RHBDD1: variants seen among roughly 807,000 people sequenced by gnomAD.
RHBDD1 encodes rhomboid domain containing 1, also known as rhomboid-related protein 4.
In RHBDD1, 38 loss-of-function variants were observed where a neutral mutation model predicts 36.3. The observed-to-expected ratio is 1.05, with a 90% CI of 0.81 to 1.37. RHBDD1 has a LOEUF of 1.37. Ranked by LOEUF, RHBDD1 falls within the 40% of genes most tolerant of loss-of-function variation. The pLI is 0.00. For missense variants in RHBDD1, 393 were observed against 377.6 expected, an observed-to-expected ratio of 1.04 and a Z score of -0.34; for synonymous variants, 151 against 136.5, an observed-to-expected ratio of 1.11 and a Z score of -0.74.
intron 8 of RHBDD1, among the ~76,000 whole-genome samples, chr2:226,963,123 G>T (rs992400316): frequency 1.3e-5 from 2 of 152,094 alleles, no homozygotes; most frequent in African/African-American, 2.4e-5. Context: ...GTTGCCAGTT[G>T]TCTCCTGGGG....
At chr2:226,879,755 G>A (rs902001574) in intron 5 of RHBDD1, among the ~76,000 whole-genome samples, 1 of 152,116 alleles carries the variant, frequency 6.6e-6, no homozygotes. Context: ...ATATAAATAA[G>A]CAAGTGACAT....
chr2:226,877,291 T>C (rs1945319187), intron 5 of RHBDD1, among the ~76,000 whole-genome samples: 1 of 152,236 alleles, frequency 6.6e-6, no homozygotes, highest in Non-Finnish European at 1.5e-5. Flanking sequence ...TTTGGAAATA[T>C]TGGTTTACTG....
chr2:226,857,377 A>C (rs149029061), intron 3 of RHBDD1, among the ~76,000 whole-genome samples: 2 of 152,176 alleles, frequency 1.3e-5, no homozygotes, highest in Non-Finnish European at 2.9e-5. Context: ...AAAATTTCAC[A>C]GTTACTCAGA....
the RHBDD1 span, among the ~76,000 whole-genome samples, chr2:226,809,639 G>A: frequency 6.6e-6 from 1 of 150,606 alleles, no homozygotes; most frequent in Non-Finnish European, 1.5e-5. Context: ...GAGAGGGAGA[G>A]AGAGAGACAC....
At chr2:226,981,015 G>A (rs1955603318) in intron 8 of RHBDD1, among the ~76,000 whole-genome samples, 2 of 152,172 alleles carry the variant, frequency 1.3e-5, no homozygotes, top group South Asian at 4.1e-4. Flanking sequence ...CATTTCAAGG[G>A]TGTAAAACCA....
intron 8 of RHBDD1, among the ~76,000 whole-genome samples, chr2:226,949,504 G>A (rs181596598): frequency 1.3e-5 from 2 of 152,290 alleles, no homozygotes; most frequent in East Asian, 3.9e-4. Flanking sequence ...GGGTAGGGCT[G>A]AGACTGGATG....
chr2:226,929,646 A>T (rs1949893142), intron 8 of RHBDD1, among the ~76,000 whole-genome samples: 1 of 152,074 alleles, frequency 6.6e-6, no homozygotes, highest in Admixed American at 6.5e-5. Flanking sequence ...TGGAAGTCCT[A>T]GCTAGAGCAG....
chr2:226,995,188 G>T (rs895621205), intron 8 of RHBDD1, among the ~76,000 whole-genome samples: 2 of 152,154 alleles, frequency 1.3e-5, no homozygotes, highest in African/African-American at 4.8e-5. Flanking sequence ...ATACAAGTGG[G>T]AAGATTATCA....
chr2:226,923,672 G>A (rs1949477969), intron 8 of RHBDD1, among the ~76,000 whole-genome samples: 1 of 151,790 alleles, frequency 6.6e-6, no homozygotes, highest in South Asian at 2.1e-4. Context: ...CACTTTTAGG[G>A]CTATTTTCTA....
chr2:226,871,682 T>A (rs555731807), intron 5 of RHBDD1, among the ~76,000 whole-genome samples: 30 of 152,350 alleles, frequency 2.0e-4, no homozygotes, highest in Admixed American at 9.1e-4. Flanking sequence ...GGGGCTTGTT[T>A]AACTTGTCCC....
chr2:226,991,800 A>G (rs1958274735), intron 8 of RHBDD1, among the ~76,000 whole-genome samples: 2 of 152,234 alleles, frequency 1.3e-5, no homozygotes, highest in Non-Finnish European at 2.9e-5. Context: ...GTCAAACTTC[A>G]GAATCATGGA....
intron 8 of RHBDD1, among the ~76,000 whole-genome samples, chr2:226,980,317 ACCAG>A (rs1955431602): frequency 6.6e-6 from 1 of 152,142 alleles, no homozygotes; most frequent in African/African-American, 2.4e-5. Flanking sequence ...CTCGTTCCCC[ACCAG>A]AGCGAGGTAG....
chr2:226,995,236 AACC>A (rs1342043272), intron 8 of RHBDD1, among the ~76,000 whole-genome samples, 192 bp from the exon 9 acceptor site: 1 of 152,256 alleles, frequency 6.6e-6, no homozygotes, highest in Non-Finnish European at 1.5e-5. Flanking sequence ...TTCATGGCTG[AACC>A]ACTCTAAAAA....
intron 8 of RHBDD1, among the ~76,000 whole-genome samples, chr2:226,974,986 C>T (rs941060693): frequency 3.3e-5 from 5 of 152,160 alleles, no homozygotes; most frequent in African/African-American, 9.7e-5. Context: ...GATGGCCACA[C>T]GTGAATCAGC....
intron 3 of RHBDD1, among the ~76,000 whole-genome samples, chr2:226,863,814 G>A (rs576964578): frequency 2.0e-5 from 3 of 152,300 alleles, no homozygotes; most frequent in South Asian, 4.1e-4. Context: ...CAGGTCCAGC[G>A]GGGTGGAGAA....
Position 226,930,946 on chromosome 2 carries a change from C to T in RHBDD1, c.856+16595C>T, listed in dbSNP as rs574828146. ...TTCAAACCACAATATGAGATACTACCTTACCCCAACTGGAGTGGCCATTAC... is the reference window on the plus strand; with the variant it reads ...TTCAAACCACAATATGAGATACTACTTTACCCCAACTGGAGTGGCCATTAC... On this transcript the variant is annotated intron_variant, in intron 8 of 8. Coordinates refer to ENST00000392062, the MANE Select transcript of RHBDD1 (RefSeq NM_001167608.3). Among the ~76,000 whole-genome samples, 13 of 152,164 alleles carry T rather than the reference C, an allele frequency of 8.5e-5. No homozygotes were observed. The South Asian group carries it at 2.3e-3, about 27-fold the overall frequency.
intron 8 of RHBDD1, among the ~76,000 whole-genome samples, chr2:226,926,110 T>A (rs1018296028): frequency 6.6e-6 from 1 of 151,950 alleles, no homozygotes; most frequent in Non-Finnish European, 1.5e-5. Context: ...CCAGGTGCAA[T>A]GGCTCACGCC....
chr2:226,882,555 C>CT (rs1336830327), intron 5 of RHBDD1, among the ~76,000 whole-genome samples: 3 of 147,924 alleles, frequency 2.0e-5, no homozygotes, highest in Non-Finnish European at 3.0e-5. Context: ...TAAGTAAATT[C>CT]TTTTTTTTTA....
the RHBDD1 span, among the ~76,000 whole-genome samples, chr2:226,819,979 T>G: frequency 0.24 from 1,717 of 7,098 alleles, 12 homozygotes; most frequent in South Asian, 0.31. Flanking sequence ...TTGTGTGTGT[T>G]TTTTTTTTTT....
Sources: allele counts gnomAD v4.1 joint callset (sites outside exome capture counted in the v4.1 genomes callset), GRCh38; gene constraint gnomAD v4.1.1; transcripts MANE v1.5; gene names NCBI Gene and HGNC (gene_info 2026-07-23, HGNC 2026-07-21).